The following FAM234A variants were observed in gnomAD, a reference collection of about 807,000 sequenced individuals.
FAM234A encodes family with sequence similarity 234 member A, also known as protein FAM234A.
Under a neutral mutation model 49.1 loss-of-function variants are expected in FAM234A, and 42 were observed. The observed-to-expected ratio is 0.86, with a 90% CI of 0.67 to 1.11. FAM234A has a LOEUF of 1.11. Among genes scored for constraint, FAM234A ranks in the 50% least tolerant of loss-of-function variants. FAM234A has a pLI of 0.00. For missense variants in FAM234A, 815 were observed against 745.2 expected (o/e 1.09, Z -1.09); for synonymous variants, 369 against 316.2 (o/e 1.17, Z -1.77).
At chr16:258,014 C>T (rs566143443) in intron 3 of FAM234A, among the ~76,000 whole-genome samples, 1 of 152,056 alleles carries the variant, frequency 6.6e-6, no homozygotes, top group African/African-American at 2.4e-5. Context: ...CCCGCCACCA[C>T]GCCCGGCTAA....
chr16:254,533 A>G lies in FAM234A; in HGVS notation c.120A>G (p.Pro40=). The change falls in exon 3 of 13, where the codon CCA becomes CCG. Residue 40 remains proline, a synonymous_variant. Coordinates refer to ENST00000399932, the MANE Select transcript of FAM234A (RefSeq NM_032039.4). ...AGGATAACGTGAAAAGCGCGCCTCCACAGTCCCGGCTCTCCCGGTGCCGAG... is the reference window on the plus strand; with the variant it reads ...AGGATAACGTGAAAAGCGCGCCTCCGCAGTCCCGGCTCTCCCGGTGCCGAG... ...KNEDNVKSAP[P]QSRLSRCRAA... 1.2e-6 allele frequency: 2 copies of G among 1,614,264 alleles called. No individual in the cohort carries two copies. The highest frequency in any genetic ancestry group is 8.5e-7 in the Non-Finnish European group (1 of 1,180,040).
intron 2 of FAM234A, among the ~76,000 whole-genome samples, chr16:252,432 C>T (rs918375626): frequency 2.0e-5 from 3 of 151,814 alleles, no homozygotes; most frequent in East Asian, 1.9e-4. Flanking sequence ...CTGCCTGCCT[C>T]GGCCTCTCAA....
At chr16:263,230 C>G (rs200796392) in intron 8 of FAM234A, 32 bp from the exon 9 acceptor site, 111 of 1,603,702 alleles carry the variant, frequency 6.9e-5, no homozygotes, top group Middle Eastern at 1.7e-4. Context: ...CCCCGGGGAC[C>G]CGGCGCCCCT....
intron 1 of FAM234A, among the ~76,000 whole-genome samples, chr16:241,445 A>G (rs533059924): frequency 6.6e-6 from 1 of 152,096 alleles, no homozygotes; most frequent in South Asian, 2.1e-4. Flanking sequence ...TAGCTGAACA[A>G]AAATTAGCTG....
chr16:235,077 G>T (rs1308120655), intron 1 of FAM234A, among the ~76,000 whole-genome samples: 1 of 152,254 alleles, frequency 6.6e-6, no homozygotes, highest in Non-Finnish European at 1.5e-5. Flanking sequence ...AGCGCCTCTG[G>T]AGGCTGATTC....
downstream of FAM234A, among the ~76,000 whole-genome samples, chr16:267,523 C>T (rs550576695): frequency 2.6e-5 from 4 of 152,328 alleles, no homozygotes; most frequent in African/African-American, 7.2e-5. Context: ...CTACACGACA[C>T]GTGCACACAC....
chr16:241,126 G>T (rs2050596653), intron 1 of FAM234A, among the ~76,000 whole-genome samples: 1 of 151,958 alleles, frequency 6.6e-6, no homozygotes. Context: ...TTGTCATGTT[G>T]CCCAGGCTGG....
intron 1 of FAM234A, among the ~76,000 whole-genome samples, chr16:239,614 C>CAAAA (rs534376069): frequency 2.9e-5 from 3 of 102,362 alleles, no homozygotes; most frequent in Admixed American, 1.0e-4. Context: ...GGCCCCGTCT[C>CAAAA]AAAAAAAAAA....
intron 2 of FAM234A, among the ~76,000 whole-genome samples, chr16:252,176 CTGTTTTT>C (rs1233327032): frequency 2.2e-5 from 3 of 137,250 alleles, no homozygotes; most frequent in Admixed American, 1.5e-4. Context: ...CTCTGTTTTT[CTGTTTTT>C]TGTTTTTTTT....
intron 2 of FAM234A, chr16:253,949 T>A (rs1476878112): frequency 5.8e-6 from 1 of 172,956 alleles, no homozygotes; most frequent in Non-Finnish European, 1.2e-5. Context: ...ATTTTGGGTC[T>A]GTGGCCCTCC....
At chr16:266,877 G>GC (rs1015421138), downstream of FAM234A, among the ~76,000 whole-genome samples, 1 of 152,074 alleles carries the variant, frequency 6.6e-6, no homozygotes, top group African/African-American at 2.4e-5. Flanking sequence ...TGCAAGAGCT[G>GC]CCCCCTGACA....
rs776071878 is a variant in FAM234A at position 264,651 on chromosome 16, A to C, written c.1382A>C (p.His461Pro). 6.2e-7 allele frequency: 1 copy of C among 1,611,356 alleles called. No homozygotes were observed. Among genetic ancestry groups the C allele is most frequent in the Non-Finnish European group, 8.5e-7 (1 of 1,179,892 alleles). The change falls in exon 12 of 13, where the codon CAC becomes CCC. Residue 461 changes from histidine (H) to proline (P), a missense_variant. Transcript: ENST00000399932. ...GCCCGGCACAGCCTGTACATGTTCC[A>C]CCCCACCCTGCCGCGCGTGCTGCTG... ...GEARHSLYMF[H>P]PTLPRVLLEL...
chr16:256,314 A>G (rs1261345237), intron 3 of FAM234A, among the ~76,000 whole-genome samples: 1 of 151,896 alleles, frequency 6.6e-6, no homozygotes, highest in South Asian at 2.1e-4. Context: ...CCATTTGACT[A>G]TTTTCCATTC....
At chr16:260,849 G>A (rs2051436220) in intron 5 of FAM234A, 1 of 358,038 alleles carries the variant, frequency 2.8e-6, no homozygotes, top group Non-Finnish European at 5.7e-6. Flanking sequence ...ATGTGCGTAA[G>A]GAGTTGGACG....
chr16:255,920 C>T (rs1244315907), intron 3 of FAM234A, among the ~76,000 whole-genome samples: 1 of 152,202 alleles, frequency 6.6e-6, no homozygotes, highest in Non-Finnish European at 1.5e-5. Context: ...GCTTAAGTCT[C>T]CAAAAAGGGC....
chr16:260,275 G>C, intron 5 of FAM234A, 115 bp downstream of exon 5: 1 of 999,404 alleles, frequency 1.0e-6, no homozygotes, highest in African/African-American at 1.6e-5. Flanking sequence ...CTTGAGGGTG[G>C]CTGGATGGGA....
At chr16:263,635 G>A in intron 9 of FAM234A, 65 bp from the exon 10 acceptor site, 1 of 1,385,740 alleles carries the variant, frequency 7.2e-7, no homozygotes, top group South Asian at 1.2e-5. Context: ...GTGTTCCTGG[G>A]TGCTTCCTTC....
chr16:243,937 A>G (rs972200763), intron 1 of FAM234A, among the ~76,000 whole-genome samples: 5 of 151,882 alleles, frequency 3.3e-5, no homozygotes, highest in African/African-American at 1.2e-4. Context: ...AATGCTGTGC[A>G]TATCCGTTTT....
At chr16:263,800 GGC>G in intron 10 of FAM234A, 25 bp downstream of exon 10, 1 of 1,586,408 alleles carries the variant, frequency 6.3e-7, no homozygotes, top group Non-Finnish European at 8.7e-7. Flanking sequence ...CTTCGGAGGT[GGC>G]ACCTTTGTTC....
Sources: gnomAD v4.1 joint callset for allele counts (sites outside exome capture counted in the v4.1 genomes callset) on GRCh38, gnomAD v4.1.1 for gene constraint, MANE v1.5 for transcripts, NCBI Gene and HGNC (gene_info 2026-07-23, HGNC 2026-07-21) for gene names.